The following GRB14 variants were observed in gnomAD, a reference collection of about 807,000 sequenced individuals.
GRB14 encodes growth factor receptor-bound protein 14.
A neutral mutation model predicts 69.1 loss-of-function variants in GRB14; 38 were observed. That is an observed-to-expected ratio of 0.55 (90% confidence interval 0.42 to 0.72). GRB14 has a LOEUF of 0.72. GRB14 is among the 30% of genes least tolerant of loss of function. The pLI is 0.00. For missense variants in GRB14, 666 were observed against 666.1 expected, an observed-to-expected ratio of 1.00 and a Z score of 0.00; for synonymous variants, 247 against 241.3, an observed-to-expected ratio of 1.02 and a Z score of -0.22.
intron 6 of GRB14, among the ~76,000 whole-genome samples, chr2:164,521,696 C>A (rs1165796754): frequency 6.6e-6 from 1 of 151,810 alleles, no homozygotes; most frequent in African/African-American, 2.4e-5. Context: ...AACTCTGAAG[C>A]CAAGGATGAG....
chr2:164,616,425 C>CAAAAAAAAA (rs34263597), intron 2 of GRB14, among the ~76,000 whole-genome samples: 1 of 66,628 alleles, frequency 1.5e-5, no homozygotes, highest in Non-Finnish European at 2.6e-5. Context: ...GACTCCGTCT[C>CAAAAAAAAA]AAAAAAAAAA....
At chr2:164,547,970 T>G (rs575925690) in intron 2 of GRB14, among the ~76,000 whole-genome samples, 154 bp from the exon 3 acceptor site, 1 of 152,334 alleles carries the variant, frequency 6.6e-6, no homozygotes, top group Non-Finnish European at 1.5e-5. Context: ...TTAACATGTC[T>G]ATCACCTCAC....
Position 164,620,424 on chromosome 2 carries a change from G to A in GRB14, c.192-605C>T, listed in dbSNP as rs896713537. 3.3e-5 allele frequency among the ~76,000 whole-genome samples: 5 copies of A among 152,238 alleles called. No homozygotes were observed. In the East Asian group the frequency reaches 7.7e-4, roughly 23 times the overall value. On this transcript the variant is annotated intron_variant, in intron 1 of 13. Transcript: ENST00000263915. ...TTAAACAGCAAGGCAGTGTTTTGAGGCGGTAAGTTAATAGAACTTGCTAGT... is the reference window on the plus strand; with the variant it reads ...TTAAACAGCAAGGCAGTGTTTTGAGACGGTAAGTTAATAGAACTTGCTAGT...
chr2:164,568,426 A>G, intron 2 of GRB14: 1 of 1,253,678 alleles, frequency 8.0e-7, no homozygotes, highest in South Asian at 1.3e-5. Context: ...GGACAAAATA[A>G]AAGAAATCTT....
At chr2:164,617,960 G>A (rs34012564) in intron 2 of GRB14, among the ~76,000 whole-genome samples, 1 of 13,442 alleles carries the variant, frequency 7.4e-5, no homozygotes, top group Non-Finnish European at 2.1e-4. Flanking sequence ...TCTTTTTTTT[G>A]GGGGGGGGGG....
At chr2:164,614,797 T>A (rs1354173401) in intron 2 of GRB14, among the ~76,000 whole-genome samples, 1 of 152,226 alleles carries the variant, frequency 6.6e-6, no homozygotes, top group African/African-American at 2.4e-5. Flanking sequence ...ACAAGATTCC[T>A]ATAGGACCAC....
chr2:164,507,777 T>A (rs902995131), intron 8 of GRB14, among the ~76,000 whole-genome samples: 5 of 146,976 alleles, frequency 3.4e-5, no homozygotes, highest in Admixed American at 6.8e-5. Flanking sequence ...ACAGTTTAAG[T>A]TTTGCTCAAT....
rs568969923 is a variant in GRB14 at position 164,548,941 on chromosome 2, G to A, written c.325-1125C>T. Among the ~76,000 whole-genome samples, 7 of 152,182 alleles carry A rather than the reference G, an allele frequency of 4.6e-5. 1 individual carries two copies. Among genetic ancestry groups the A allele is most frequent in the Admixed American group, 1.3e-4 (2 of 15,284 alleles). ...TGCACAGGCTGGAGTGCAATGGTGCGATTTCGGCTCACTGTAGCCTCCACC... is the reference window on the plus strand; with the variant it reads ...TGCACAGGCTGGAGTGCAATGGTGCAATTTCGGCTCACTGTAGCCTCCACC... On this transcript the variant is annotated intron_variant, in intron 2 of 13. Coordinates refer to ENST00000263915, the MANE Select transcript of GRB14 (RefSeq NM_004490.3).
intron 9 of GRB14, among the ~76,000 whole-genome samples, chr2:164,498,597 A>C (rs2105256867): frequency 6.6e-6 from 1 of 152,284 alleles, no homozygotes; most frequent in African/African-American, 2.4e-5. Context: ...AATTAATAGA[A>C]GAGCAAAACC....
chr2:164,521,048 T>C (rs187880498), intron 6 of GRB14, among the ~76,000 whole-genome samples: 14 of 152,258 alleles, frequency 9.2e-5, no homozygotes, highest in African/African-American at 3.4e-4. Context: ...AAAAAGATAC[T>C]TGCACATGCA....
At chr2:164,580,188 G>A (rs200944125) in intron 2 of GRB14, among the ~76,000 whole-genome samples, 12 of 151,332 alleles carry the variant, frequency 7.9e-5, no homozygotes, top group African/African-American at 2.7e-4. Context: ...TCTGCCTCCC[G>A]GGTTCAAGTG....
At chr2:164,541,184 TAGGCC>T (rs752872743) in intron 3 of GRB14, among the ~76,000 whole-genome samples, 9 of 152,120 alleles carry the variant, frequency 5.9e-5, no homozygotes, top group Non-Finnish European at 1.0e-4. Flanking sequence ...TTTAAAATAA[TAGGCC>T]AGTCGTGGTG....
chr2:164,606,864 TG>T, intron 2 of GRB14, among the ~76,000 whole-genome samples: 1 of 152,352 alleles, frequency 6.6e-6, no homozygotes, highest in East Asian at 1.9e-4. Flanking sequence ...CACACGCATA[TG>T]TCACCCTTCC....
chr2:164,498,905 C>A (rs1202551132), intron 9 of GRB14, among the ~76,000 whole-genome samples: 1 of 152,126 alleles, frequency 6.6e-6, no homozygotes, highest in Admixed American at 6.6e-5. Flanking sequence ...TGCAATCTTT[C>A]ATTTGTTACA....
intron 3 of GRB14, among the ~76,000 whole-genome samples, chr2:164,546,002 T>A (rs1382535150): frequency 6.6e-6 from 1 of 152,214 alleles, no homozygotes; most frequent in Non-Finnish European, 1.5e-5. Context: ...GGGTCTACAC[T>A]ACCATAAAGA....
chr2:164,519,949 T>TAAGCCAAA (rs1276764144), intron 6 of GRB14, among the ~76,000 whole-genome samples: 1 of 151,970 alleles, frequency 6.6e-6, no homozygotes, highest in Non-Finnish European at 1.5e-5. Context: ...AAAAGCAATC[T>TAAGCCAAA]AGAAATTCAA....
At chr2:164,530,078 T>G (rs1238573379) in intron 3 of GRB14, among the ~76,000 whole-genome samples, 1 of 152,196 alleles carries the variant, frequency 6.6e-6, no homozygotes, top group Non-Finnish European at 1.5e-5. Context: ...ATCCATTTTT[T>G]GTTGCTGTCA....
intron 3 of GRB14, among the ~76,000 whole-genome samples, chr2:164,545,782 T>C (rs930236792): frequency 6.6e-6 from 1 of 152,216 alleles, no homozygotes; most frequent in Admixed American, 6.5e-5. Flanking sequence ...AACAAATCTA[T>C]AAAAATAAGA....
chr2:164,497,570 TTCAGTGTTTTTCTC>T (rs1341783444), intron 9 of GRB14, 80 bp from the exon 10 acceptor site: 2 of 951,326 alleles, frequency 2.1e-6, no homozygotes, highest in Non-Finnish European at 3.3e-6. Flanking sequence ...GTTTTTCAAT[TTCAGTGTTTTTCTC>T]TCAGTGTTTT....
Sources: gnomAD v4.1 joint callset for allele counts (sites outside exome capture counted in the v4.1 genomes callset) on GRCh38, gnomAD v4.1.1 for gene constraint, MANE v1.5 for transcripts, NCBI Gene and HGNC (gene_info 2026-07-23, HGNC 2026-07-21) for gene names.